The following CFAP61 variants were observed in gnomAD, a reference collection of about 807,000 sequenced individuals.
The protein encoded by CFAP61 is cilia and flagella associated protein 61.
CFAP61 carries 107 observed loss-of-function variants against 135.6 expected under a neutral mutation model. The ratio of observed to expected loss-of-function variants is 0.79; its 90% CI spans 0.67 to 0.93. The LOEUF is 0.93. CFAP61 is among the 40% of genes least tolerant of loss of function. CFAP61 has a pLI of 0.00. For synonymous variants in CFAP61, 575 were observed against 578.5 expected (o/e 0.99, Z 0.09); for missense variants, 1,507 against 1,556.2 (o/e 0.97, Z 0.53).
chr20:20,248,547 A>G (rs1305776027), intron 19 of CFAP61, among the ~76,000 whole-genome samples: 3 of 152,232 alleles, frequency 2.0e-5, no homozygotes, highest in Non-Finnish European at 4.4e-5. Flanking sequence ...ATGCAGCCGA[A>G]AGGAAGGCAG....
intron 25 of CFAP61, among the ~76,000 whole-genome samples, chr20:20,299,196 G>A (rs1397143524): frequency 6.6e-6 from 1 of 152,206 alleles, no homozygotes; most frequent in African/African-American, 2.4e-5. Flanking sequence ...AAAAAAGTAT[G>A]TGAAATATGT....
At chr20:20,085,876 G>A (rs889083562) in intron 6 of CFAP61, among the ~76,000 whole-genome samples, 2 of 152,152 alleles carry the variant, frequency 1.3e-5, no homozygotes, top group African/African-American at 4.8e-5. Flanking sequence ...ATATCATCAA[G>A]GACTCTTTTT....
At chr20:20,309,640 A>G (rs369620482) in intron 25 of CFAP61, among the ~76,000 whole-genome samples, 2 of 152,148 alleles carry the variant, frequency 1.3e-5, no homozygotes, top group African/African-American at 4.8e-5. Context: ...CCATCATGCA[A>G]TGACCATTCT....
chr20:20,169,509 G>T, intron 13 of CFAP61, 49 bp downstream of exon 13: 1 of 1,490,338 alleles, frequency 6.7e-7, no homozygotes, highest in African/African-American at 1.4e-5. Flanking sequence ...AATTACAGAA[G>T]AGAAGGGAAC....
At chr20:20,196,437 G>T in intron 15 of CFAP61, 133 bp from the exon 16 acceptor site, 1 of 666,548 alleles carries the variant, frequency 1.5e-6, no homozygotes, top group South Asian at 1.9e-5. Flanking sequence ...TGGAGATGAG[G>T]TGGCAAATAT....
chr20:20,084,178 G>T (rs1406057418), intron 6 of CFAP61, among the ~76,000 whole-genome samples: 1 of 152,080 alleles, frequency 6.6e-6, no homozygotes, highest in Admixed American at 6.6e-5. Flanking sequence ...CACTAAATTA[G>T]ATTTTCTATG....
chr20:20,222,940 A>T (rs2048498253), intron 17 of CFAP61, among the ~76,000 whole-genome samples: 1 of 152,238 alleles, frequency 6.6e-6, no homozygotes, highest in African/African-American at 2.4e-5. Flanking sequence ...AAGCAAAAGT[A>T]GGCTTATTAC....
Position 20,360,258 on chromosome 20 carries a change from G to A in CFAP61, c.3562G>A (p.Glu1188Lys), listed in dbSNP as rs527713164. 78 of 1,613,942 alleles carry A rather than the reference G, an allele frequency of 4.8e-5. No homozygotes were observed. In the South Asian group the frequency reaches 8.2e-4, roughly 17 times the overall value. Residue 1188 changes from glutamate (E) to lysine (K), a missense_variant, in exon 27 of 27, where the codon GAG becomes AAG. Coordinates refer to ENST00000245957, the MANE Select transcript of CFAP61 (RefSeq NM_015585.4). ...IEQLAHQIED[E>K]EINPTEKPRQ... ...GCAGTTAGCCCATCAAATAGAAGATGAGGAAATCAACCCGACTGAGAAGCC... is the reference window on the plus strand; with the variant it reads ...GCAGTTAGCCCATCAAATAGAAGATAAGGAAATCAACCCGACTGAGAAGCC...
intron 18 of CFAP61, among the ~76,000 whole-genome samples, chr20:20,231,198 G>A (rs898473413): frequency 2.6e-5 from 4 of 152,164 alleles, no homozygotes; most frequent in Non-Finnish European, 5.9e-5. Flanking sequence ...AGGCAATACT[G>A]TGGTGGTGTT....
At chr20:20,256,732 T>C (rs542896479) in intron 20 of CFAP61, among the ~76,000 whole-genome samples, 1 of 152,314 alleles carries the variant, frequency 6.6e-6, no homozygotes, top group Admixed American at 6.5e-5. Context: ...TAATTGGTTT[T>C]CCTGAAGAAG....
rs118112401 is a variant in CFAP61 at position 20,195,709 on chromosome 20, G to T, written c.1591-861G>T. ...ATATTACACATCAAGGGGGATAGAA[G>T]GTTTAAGAAGTGCACAGGGATAAGG... On this transcript the variant is annotated intron_variant, in intron 15 of 26. Coordinates refer to ENST00000245957, the MANE Select transcript of CFAP61 (RefSeq NM_015585.4). Among the ~76,000 whole-genome samples the T allele has an allele frequency of 3.3e-5, 5 of 152,290 alleles. No individual in the cohort carries two copies. The East Asian group carries it at 9.7e-4, about 29-fold the overall frequency.
In CFAP61 at chr20:20,338,556, C is replaced by T. The variant is rs536425736; in HGVS notation, c.3423-3275C>T. On this transcript the variant is annotated intron_variant, in intron 25 of 26. Transcript: ENST00000245957. ...CGCGGACCGCCACGCTGTGCCAATG[C>T]TGGAAAGGGCAGACCTGCAGTCGCA... is the stretch of plus-strand genomic sequence containing the variant. 9.8e-5 allele frequency among the ~76,000 whole-genome samples: 15 copies of T among 152,372 alleles called. No individual in the cohort carries two copies. The South Asian group carries it at 3.1e-3, about 32-fold the overall frequency.
intron 25 of CFAP61, among the ~76,000 whole-genome samples, chr20:20,337,254 T>C (rs891072939): frequency 2.7e-5 from 4 of 149,386 alleles, no homozygotes; most frequent in African/African-American, 7.4e-5. Flanking sequence ...GATGGATGGA[T>C]GGATGGACAG....
At chr20:20,090,688 CAAAAAAAAA>C (rs138798717) in intron 6 of CFAP61, among the ~76,000 whole-genome samples, 147 bp from the exon 7 acceptor site, 2 of 102,968 alleles carry the variant, frequency 1.9e-5, no homozygotes, top group African/African-American at 3.8e-5. Flanking sequence ...GACTCCCTCT[CAAAAAAAAA>C]AAAAAAAAAA....
chr20:20,355,552 C>G (rs1487620948), intron 26 of CFAP61, among the ~76,000 whole-genome samples: 1 of 85,388 alleles, frequency 1.2e-5, no homozygotes, highest in African/African-American at 5.4e-5. Context: ...ACACTGTGAG[C>G]AGAGATGGTC....
chr20:20,167,932 C>T (rs1187581220), intron 12 of CFAP61, among the ~76,000 whole-genome samples: 3 of 151,902 alleles, frequency 2.0e-5, no homozygotes, highest in Admixed American at 6.6e-5. Flanking sequence ...CAGGCAGCTG[C>T]GTGAAGCTCA....
At chr20:20,203,563 T>C (rs1421868688) in intron 17 of CFAP61, among the ~76,000 whole-genome samples, 1 of 152,206 alleles carries the variant, frequency 6.6e-6, no homozygotes, top group Non-Finnish European at 1.5e-5. Context: ...CAATGAGTAA[T>C]AATCACATCA....
intron 20 of CFAP61, among the ~76,000 whole-genome samples, chr20:20,260,245 C>T (rs1406091065): frequency 6.6e-6 from 1 of 152,212 alleles, no homozygotes; most frequent in African/African-American, 2.4e-5. Context: ...CTGGATAGCT[C>T]TGTGTCCCCA....
intron 7 of CFAP61, among the ~76,000 whole-genome samples, chr20:20,091,826 C>T (rs930542597): frequency 7.2e-5 from 11 of 152,000 alleles, no homozygotes; most frequent in African/African-American, 1.5e-4. Context: ...TACAGGTGTG[C>T]GCCACCACGC....
Sources: gnomAD v4.1 joint callset for allele counts (sites outside exome capture counted in the v4.1 genomes callset) on GRCh38, gnomAD v4.1.1 for gene constraint, MANE v1.5 for transcripts, NCBI Gene and HGNC (gene_info 2026-07-23, HGNC 2026-07-21) for gene names.